The following WDR27 variants were observed in gnomAD, a reference collection of about 807,000 sequenced individuals.
WDR27 encodes the protein WD repeat-containing protein 27.
Under a neutral mutation model 114.4 loss-of-function variants are expected in WDR27, and 100 were observed. The observed-to-expected ratio is 0.87, with a 90% CI of 0.74 to 1.03. WDR27 has a LOEUF of 1.03. Ranked by LOEUF, WDR27 falls within the 50% of genes least tolerant of loss-of-function variation. WDR27 has a pLI of 0.00. For missense variants in WDR27, 1,129 were observed against 1,092.9 expected (o/e 1.03, Z -0.47); for synonymous variants, 449 against 423.1 (o/e 1.06, Z -0.75).
chr6:169,568,972 G>A (rs1055633274), intron 25 of WDR27, among the ~76,000 whole-genome samples: 1 of 152,140 alleles, frequency 6.6e-6, no homozygotes, highest in Non-Finnish European at 1.5e-5. Flanking sequence ...GCATGCCCCT[G>A]GTTTGCTGTC....
chr6:169,692,535 G>C (rs886492258), intron 1 of WDR27, among the ~76,000 whole-genome samples: 1 of 152,132 alleles, frequency 6.6e-6, no homozygotes, highest in Non-Finnish European at 1.5e-5. Flanking sequence ...TTATGGCCTG[G>C]GGCAGGGCTG....
At chr6:169,528,388 G>C (rs75999546) in intron 25 of WDR27, among the ~76,000 whole-genome samples, 5,524 of 152,212 alleles carry the variant, frequency 0.036, 265 homozygotes, top group African/African-American at 0.11. Flanking sequence ...TTCTGATCCA[G>C]AGAAGTCCCT....
At chr6:169,450,226 T>C in the WDR27 span, among the ~76,000 whole-genome samples, 1 of 152,090 alleles carries the variant, frequency 6.6e-6, no homozygotes, top group Non-Finnish European at 1.5e-5. Context: ...GCGGGGAGCT[T>C]TGGTGGTGCC....
chr6:169,545,294 T>C (rs574328136), intron 25 of WDR27, among the ~76,000 whole-genome samples: 1 of 152,286 alleles, frequency 6.6e-6, no homozygotes, highest in African/African-American at 2.4e-5. Context: ...AAACAAATTA[T>C]AAAACTTTTA....
chr6:169,437,377 A>T, the WDR27 span, among the ~76,000 whole-genome samples: 3 of 152,180 alleles, frequency 2.0e-5, no homozygotes, highest in Non-Finnish European at 2.9e-5. Context: ...TGTGGGTTTT[A>T]AAAAAGTTGC....
chr6:169,587,676 CT>C (rs1450867219), intron 23 of WDR27, among the ~76,000 whole-genome samples: 1 of 152,208 alleles, frequency 6.6e-6, no homozygotes, highest in Admixed American at 6.5e-5. Context: ...AATGACTTCA[CT>C]TTTTCTTGAA....
At chr6:169,581,026 T>A (rs1458671047) in intron 24 of WDR27, among the ~76,000 whole-genome samples, 1 of 150,910 alleles carries the variant, frequency 6.6e-6, no homozygotes, top group Non-Finnish European at 1.5e-5. Flanking sequence ...TACGTATACA[T>A]AACTGGTTTC....
chr6:169,453,127 C>T (rs998444468), downstream of WDR27, among the ~76,000 whole-genome samples: 1 of 152,228 alleles, frequency 6.6e-6, no homozygotes, highest in Admixed American at 6.5e-5. Context: ...AGAACACAAG[C>T]TGCTTGTTCT....
chr6:169,504,300 C>G (rs1791725149), intron 25 of WDR27, among the ~76,000 whole-genome samples: 1 of 152,144 alleles, frequency 6.6e-6, no homozygotes, highest in South Asian at 2.1e-4. Context: ...TGTCCCCACC[C>G]AAATCTCACC....
At chr6:169,639,530 T>C (rs1818632134) in intron 17 of WDR27, among the ~76,000 whole-genome samples, 1 of 152,094 alleles carries the variant, frequency 6.6e-6, no homozygotes, top group South Asian at 2.1e-4. Flanking sequence ...TTGTGACAGA[T>C]TTGAAAAGTT....
intron 25 of WDR27, among the ~76,000 whole-genome samples, chr6:169,503,797 C>G (rs889429978): frequency 4.6e-5 from 7 of 151,570 alleles, no homozygotes; most frequent in African/African-American, 1.7e-4. Context: ...TTATTTTGAA[C>G]CTATATCAAT....
Position 169,647,818 on chromosome 6 carries a change from C to A in WDR27, c.1612G>T (p.Ala538Ser). 2 of 1,584,426 alleles carry A rather than the reference C, an allele frequency of 1.3e-6. No homozygotes were observed. Among genetic ancestry groups the A allele is most frequent in the East Asian group, 2.3e-5 (1 of 43,770 alleles). ...ACACGTGTGCAGGTGGGGGCGGCAGCGACCTGGGGGCCGGGCTTGGTGGGC... is the reference window on the plus strand; with the variant it reads ...ACACGTGTGCAGGTGGGGGCGGCAGAGACCTGGGGGCCGGGCTTGGTGGGC... The part of the protein sequence containing the change: ...AVPTKPGPQV[A>S]AAPTCTRVCC... Residue 538 changes from alanine to serine, a missense_variant, in exon 16 of 26, where the codon GCT becomes TCT. Ala to Ser is a moderately conservative substitution (Grantham distance 99, BLOSUM62 1). Transcript: ENST00000448612.
chr6:169,509,467 A>G (rs1169265555), intron 25 of WDR27, among the ~76,000 whole-genome samples: 2 of 152,118 alleles, frequency 1.3e-5, no homozygotes, highest in African/African-American at 4.8e-5. Context: ...GCCCTCAGAA[A>G]TAATGCCGCA....
At chr6:169,653,643 C>A (rs1351564929) in intron 13 of WDR27, among the ~76,000 whole-genome samples, 1 of 152,150 alleles carries the variant, frequency 6.6e-6, no homozygotes, top group East Asian at 1.9e-4. Context: ...CTGGGTAACA[C>A]ACTGGTTAGG....
chr6:169,462,741 C>T (rs1476773554), intron 25 of WDR27, among the ~76,000 whole-genome samples: 1 of 152,080 alleles, frequency 6.6e-6, no homozygotes, highest in African/African-American at 2.4e-5. Context: ...TGGAATTCAG[C>T]AGCATATTAA....
the WDR27 span, among the ~76,000 whole-genome samples, chr6:169,449,066 G>A: frequency 8.9e-3 from 1,351 of 152,268 alleles, 12 homozygotes; most frequent in African/African-American, 0.03. Flanking sequence ...ACTTGCCTAC[G>A]ACGTGTATTG....
intron 17 of WDR27, 84 bp from the exon 18 acceptor site, chr6:169,638,744 C>T: frequency 6.7e-7 from 1 of 1,490,674 alleles, no homozygotes; most frequent in East Asian, 2.5e-5. Context: ...TACTTTCATA[C>T]AACACAACTG....
intron 25 of WDR27, among the ~76,000 whole-genome samples, chr6:169,553,623 T>C (rs1328337095): frequency 6.6e-6 from 1 of 152,152 alleles, no homozygotes; most frequent in Non-Finnish European, 1.5e-5. Flanking sequence ...GGCTCCTTTC[T>C]ATATAAGGGA....
At chr6:169,470,399 G>C (rs1786207205) in intron 25 of WDR27, among the ~76,000 whole-genome samples, 1 of 151,430 alleles carries the variant, frequency 6.6e-6, no homozygotes, top group Non-Finnish European at 1.5e-5. Flanking sequence ...ACATTCGTAA[G>C]TATTTGTTAC....
Sources: allele counts gnomAD v4.1 joint callset (sites outside exome capture counted in the v4.1 genomes callset), GRCh38; gene constraint gnomAD v4.1.1; transcripts MANE v1.5; gene names NCBI Gene and HGNC (gene_info 2026-07-23, HGNC 2026-07-21).